Variants in ANO1 observed in about 807,000 individuals in gnomAD.
ANO1 encodes anoctamin 1, also known as anoctamin-1.
A neutral mutation model predicts 124.0 loss-of-function variants in ANO1; 59 were observed. The ratio of observed to expected loss-of-function variants is 0.48; its 90% CI spans 0.39 to 0.59. The LOEUF (loss-of-function observed/expected upper bound fraction) is 0.59. ANO1 is among the 20% of genes least tolerant of loss of function. The probability of loss-of-function intolerance (pLI) is 0.00; values close to 1 mark genes in which losing one functional copy is unlikely to be tolerated. For synonymous variants in ANO1, 529 were observed against 532.0 expected (o/e 0.99, Z 0.08); for missense variants, 1,059 against 1,328.0 (o/e 0.80, Z 3.15).
At chr11:69,998,440 T>C (rs1554998728) in intron 1 of ANO1, among the ~76,000 whole-genome samples, 2 of 152,084 alleles carry the variant, frequency 1.3e-5, no homozygotes, top group African/African-American at 4.8e-5. Flanking sequence ...AATGTTTTGG[T>C]GTTCATGAGT....
At chr11:70,156,696 G>A (rs2047829389) in intron 15 of ANO1, among the ~76,000 whole-genome samples, 1 of 152,176 alleles carries the variant, frequency 6.6e-6, no homozygotes, top group Non-Finnish European at 1.5e-5. Flanking sequence ...ACACACAGAG[G>A]AATCACAGTG....
Position 70,123,861 on chromosome 11 carries a change from C to T in ANO1, c.898-489C>T, listed in dbSNP as rs535214124. On this transcript the variant is annotated intron_variant, in intron 8 of 25. Transcript: ENST00000355303. ...CACAAGGCTTCCAATCCACCAAACT[C>T]ATTACTGTCCCTGCCCAAAGCCTGG... Among the ~76,000 whole-genome samples, 104 of 152,322 alleles carry T rather than the reference C, an allele frequency of 6.8e-4. 1 individual carries two copies. Among genetic ancestry groups the T allele is most frequent in the African/African-American group, 2.4e-3 (101 of 41,556 alleles).
rs531394255 is a variant in ANO1, at chr11:70,062,998, C to T, written c.59-15544C>T. Among the ~76,000 whole-genome samples the T allele has an allele frequency of 2.6e-5, 4 of 152,160 alleles. No individual in the cohort carries two copies. In the South Asian group the frequency reaches 6.2e-4, roughly 24 times the overall value. ...AGGCTGGAGTACAGTGGTGCAATCT[C>T]GGCTCACTGCAACCTCTGCCTCCCG... On this transcript the variant is annotated intron_variant, in intron 1 of 27. Coordinates refer to the ANO1 transcript ENST00000531349.
At chr11:70,062,063 CTTTCTTTTT>C (rs1857593979) in intron 1 of ANO1, among the ~76,000 whole-genome samples, 2 of 76,700 alleles carry the variant, frequency 2.6e-5, no homozygotes, top group African/African-American at 4.2e-5. Context: ...CTCTTTCCTT[CTTTCTTTTT>C]TTTTTTTTTT....
intron 7 of ANO1, among the ~76,000 whole-genome samples, chr11:70,113,511 C>G (rs893132354): frequency 1.3e-5 from 2 of 152,044 alleles, no homozygotes; most frequent in Non-Finnish European, 2.9e-5. Context: ...AGGACCCAGC[C>G]GGTCTGGTTG....
chr11:70,069,367 C>T (rs1555009039), intron 1 of ANO1, among the ~76,000 whole-genome samples: 1 of 152,166 alleles, frequency 6.6e-6, no homozygotes, highest in African/African-American at 2.4e-5. Context: ...GACGGCCAAG[C>T]ACGTCTCAAG....
chr11:70,085,323 CTG>C, intron 1 of ANO1: 1 of 1,392,204 alleles, frequency 7.2e-7, no homozygotes, highest in Non-Finnish European at 9.4e-7. Flanking sequence ...ACCCTTCCCC[CTG>C]AGCCCTCCCA....
chr11:69,971,069 C>T, the ANO1 span, among the ~76,000 whole-genome samples: 1 of 152,290 alleles, frequency 6.6e-6, no homozygotes, highest in East Asian at 1.9e-4. Flanking sequence ...CAATCTCTTA[C>T]TGAGAAAAAG....
rs2044871183 is a variant in ANO1, at chr11:70,095,379, AAAG to A, written c.441+7298_441+7300del. ...GAAAGAAAGAAAGAAAGAAAGAAAG[AAAG>A]AAAGAAAGAAAGAAAGAAAGAAAGA... is the stretch of plus-strand genomic sequence containing the variant. On this transcript the variant is annotated intron_variant, in intron 2 of 25. Transcript: ENST00000355303. Among the ~76,000 whole-genome samples the A allele has an allele frequency of 8.8e-5, 3 of 34,240 alleles. 1 individual carries two copies. The highest frequency in any genetic ancestry group is 2.2e-4 in the Non-Finnish European group (3 of 13,906). 22.5% of individuals were successfully genotyped at this position (34,240 alleles called of 152,430 possible).
intron 14 of ANO1, among the ~76,000 whole-genome samples, chr11:70,154,655 A>G (rs1390720247): frequency 6.6e-6 from 1 of 151,226 alleles, no homozygotes; most frequent in Non-Finnish European, 1.5e-5. Context: ...TTTAGTAGAG[A>G]CGGGGTTTCA....
chr11:70,129,644 C>T (rs1447860177), intron 10 of ANO1: 1 of 145,266 alleles, frequency 6.9e-6, no homozygotes, highest in East Asian at 2.2e-4. Flanking sequence ...TTTTTTTTGA[C>T]ACAGAGTCTC....
intron 24 of ANO1, 91 bp from the exon 25 acceptor site, chr11:70,185,499 C>T (rs1425704326): frequency 1.7e-6 from 2 of 1,209,738 alleles, no homozygotes; most frequent in African/African-American, 3.0e-5. Flanking sequence ...CAAGCTGAGC[C>T]TCTCCCAGGC....
chr11:70,057,963 G>A (rs1164814912), intron 1 of ANO1, among the ~76,000 whole-genome samples: 1 of 152,176 alleles, frequency 6.6e-6, no homozygotes, highest in African/African-American at 2.4e-5. Context: ...GAGAGATAAT[G>A]GGCGATGTTT....
intron 22 of ANO1, among the ~76,000 whole-genome samples, chr11:70,176,672 G>T (rs2048713281): frequency 6.6e-6 from 1 of 152,152 alleles, no homozygotes; most frequent in South Asian, 2.1e-4. Context: ...GAGGGCATGA[G>T]GAGGCCTGTC....
intron 1 of ANO1, chr11:70,072,789 C>T (rs1388773193): frequency 6.6e-6 from 1 of 152,320 alleles, no homozygotes; most frequent in East Asian, 1.9e-4. Context: ...CTGAGAGCGG[C>T]TCTCATGGGG....
At chr11:70,156,101 C>T (rs2047807032) in intron 15 of ANO1, 113 bp downstream of exon 15, 9 of 1,096,250 alleles carry the variant, frequency 8.2e-6, no homozygotes, top group South Asian at 4.2e-5. Flanking sequence ...CATTCACATC[C>T]GTGTTTCTCT....
intron 1 of ANO1, among the ~76,000 whole-genome samples, chr11:70,007,308 G>A (rs1470077557): frequency 3.2e-5 from 4 of 125,580 alleles, no homozygotes; most frequent in Admixed American, 1.0e-4. Flanking sequence ...ACAGAGTCTC[G>A]CTTAGTCACC....
intron 18 of ANO1, 108 bp downstream of exon 18, chr11:70,161,841 C>T (rs943406202): frequency 3.5e-5 from 37 of 1,045,842 alleles, no homozygotes; most frequent in Non-Finnish European, 4.2e-5. Context: ...GGGCAGACAC[C>T]GTGGCACCCG....
intron 22 of ANO1, among the ~76,000 whole-genome samples, chr11:70,173,742 T>G (rs1019373393): frequency 2.6e-5 from 4 of 152,114 alleles, no homozygotes; most frequent in African/African-American, 2.4e-5. Context: ...CATTTTTCAT[T>G]TCACACTTTA....
Sources: allele counts gnomAD v4.1 joint callset (sites outside exome capture counted in the v4.1 genomes callset), GRCh38; gene constraint gnomAD v4.1.1; transcripts MANE v1.5; gene names NCBI Gene and HGNC (gene_info 2026-07-23, HGNC 2026-07-21).